The following PPP2R2B variants were observed in gnomAD, a reference collection of about 807,000 sequenced individuals.
PPP2R2B encodes the protein serine/threonine-protein phosphatase 2A 55 kDa regulatory subunit B beta isoform.
In PPP2R2B, 5 loss-of-function variants were observed where a neutral mutation model predicts 46.0. The ratio of observed to expected loss-of-function variants is 0.11; its 90% CI spans 0.06 to 0.23. The LOEUF (loss-of-function observed/expected upper bound fraction) is 0.23, where lower values mean the gene tolerates loss of function less well. PPP2R2B is among the 10% of genes least tolerant of loss of function. The pLI, the probability that PPP2R2B is intolerant of heterozygous loss-of-function variation, is 1.00. For missense variants in PPP2R2B, 367 were observed against 575.0 expected, an observed-to-expected ratio of 0.64 and a Z score of 3.70; for synonymous variants, 215 against 206.7, an observed-to-expected ratio of 1.04 and a Z score of -0.34.
At chr5:146,866,193 G>A (rs879845441) in intron 2 of PPP2R2B, among the ~76,000 whole-genome samples, 1 of 152,058 alleles carries the variant, frequency 6.6e-6, no homozygotes, top group Non-Finnish European at 1.5e-5. Context: ...CTAGAACATC[G>A]ACATAATTTT....
At chr5:146,603,194 C>T (rs1158412406) in intron 7 of PPP2R2B, among the ~76,000 whole-genome samples, 1 of 152,182 alleles carries the variant, frequency 6.6e-6, no homozygotes, top group Admixed American at 6.5e-5. Flanking sequence ...TTTCAGCATG[C>T]ACTGCTTCTG....
At chr5:146,733,799 A>G (rs1752373153) in intron 2 of PPP2R2B, among the ~76,000 whole-genome samples, 1 of 152,156 alleles carries the variant, frequency 6.6e-6, no homozygotes, top group African/African-American at 2.4e-5. Context: ...CCAGGACCCT[A>G]CTCAAGGTCT....
intron 2 of PPP2R2B, among the ~76,000 whole-genome samples, chr5:146,835,050 G>T (rs1361030229): frequency 2.6e-5 from 4 of 152,002 alleles, no homozygotes; most frequent in Non-Finnish European, 4.4e-5. Flanking sequence ...GATTGATTCT[G>T]GGTCTTTGCT....
intron 1 of PPP2R2B, among the ~76,000 whole-genome samples, chr5:147,031,651 C>T (rs1156803399): frequency 6.6e-6 from 1 of 152,120 alleles, no homozygotes; most frequent in Non-Finnish European, 1.5e-5. Flanking sequence ...TACTATGTCC[C>T]TTGTATCTTT....
chr5:146,780,477 G>A (rs1582087861), intron 2 of PPP2R2B, among the ~76,000 whole-genome samples: 1 of 152,230 alleles, frequency 6.6e-6, no homozygotes, highest in Non-Finnish European at 1.5e-5. Context: ...GACTTTAAAG[G>A]CTGACTGTCC....
chr5:146,684,868 C>T lies in PPP2R2B; in HGVS notation c.447+6260G>A, dbSNP rs182714342. Reference sequence around the variant, plus strand: ...GTCATTTCTTAGAGTCCAACTCAAACCTTCTAAACCAGCATCCCTAGTGAC... The same window carrying T: ...GTCATTTCTTAGAGTCCAACTCAAATCTTCTAAACCAGCATCCCTAGTGAC... On this transcript the variant is annotated intron_variant, in intron 5 of 9. Coordinates refer to ENST00000394411, the MANE Select transcript of PPP2R2B (RefSeq NM_181675.4). Among the ~76,000 whole-genome samples the T allele has an allele frequency of 2.0e-5, 3 of 152,260 alleles. No individual in the cohort carries two copies. In the East Asian group the frequency reaches 5.8e-4, roughly 29 times the overall value.
intron 2 of PPP2R2B, among the ~76,000 whole-genome samples, chr5:146,761,317 T>C (rs576840162): frequency 6.6e-6 from 1 of 152,294 alleles, no homozygotes; most frequent in South Asian, 2.1e-4. Context: ...ATATACACCA[T>C]GGAATACTAT....
At chr5:147,062,253 T>A (rs998659400) in intron 2 of PPP2R2B, among the ~76,000 whole-genome samples, 31 of 152,204 alleles carry the variant, frequency 2.0e-4, no homozygotes, top group African/African-American at 5.5e-4. Context: ...CATCTAGGTT[T>A]GTGTAAGTGC....
chr5:146,841,144 T>C (rs1246929722), intron 2 of PPP2R2B, among the ~76,000 whole-genome samples: 3 of 152,122 alleles, frequency 2.0e-5, no homozygotes, highest in Non-Finnish European at 4.4e-5. Flanking sequence ...CTATTATTCC[T>C]GTGCATAAAG....
At chr5:146,638,454 G>A (rs1774968135) in intron 6 of PPP2R2B, 39 bp from the exon 7 acceptor site, 3 of 1,536,970 alleles carry the variant, frequency 2.0e-6, no homozygotes, top group Non-Finnish European at 2.7e-6. Context: ...AGGAGAAGGA[G>A]GCAGGAACTT....
intron 2 of PPP2R2B, among the ~76,000 whole-genome samples, chr5:146,743,384 G>A (rs1378331437): frequency 2.0e-5 from 3 of 152,102 alleles, no homozygotes; most frequent in Admixed American, 6.5e-5. Flanking sequence ...ACTATCATGC[G>A]AGGCTAAAGG....
chr5:147,055,774 A>AAATCTAAATAAG (rs1757060355), exon 1 of PPP2R2B: 3 of 1,577,944 alleles, frequency 1.9e-6, no homozygotes, highest in Non-Finnish European at 2.6e-6. Flanking sequence ...ATCTAAATAA[A>AAATCTAAATAAG]AAAACAGTCT....
At chr5:146,653,783 T>C (rs1776141596) in intron 5 of PPP2R2B, among the ~76,000 whole-genome samples, 1 of 152,100 alleles carries the variant, frequency 6.6e-6, no homozygotes, top group South Asian at 2.1e-4. Flanking sequence ...TACTACTTAA[T>C]GGGGAAGGGC....
chr5:146,614,319 T>A, intron 7 of PPP2R2B, among the ~76,000 whole-genome samples: 1 of 68,274 alleles, frequency 1.5e-5, no homozygotes, highest in Non-Finnish European at 2.4e-5. Context: ...TGAAACTGGA[T>A]CCCTTCCTTA....
At chr5:146,690,429 A>G (rs1429828678) in intron 5 of PPP2R2B, among the ~76,000 whole-genome samples, 2 of 152,148 alleles carry the variant, frequency 1.3e-5, no homozygotes, top group Non-Finnish European at 2.9e-5. Context: ...CACTTTCTCA[A>G]TGCATTTATC....
At chr5:147,079,758 T>C (rs898256714) in intron 2 of PPP2R2B, among the ~76,000 whole-genome samples, 13 of 152,164 alleles carry the variant, frequency 8.5e-5, no homozygotes, top group African/African-American at 2.4e-4. Context: ...GAATAAGTTT[T>C]GTTCTATAGC....
chr5:146,903,855 T>A (rs926193284), intron 1 of PPP2R2B, among the ~76,000 whole-genome samples: 1 of 152,192 alleles, frequency 6.6e-6, no homozygotes, highest in African/African-American at 2.4e-5. Flanking sequence ...GGATAATAAT[T>A]ATTGACCTTA....
chr5:146,684,688 G>A (rs1432939712), intron 5 of PPP2R2B, among the ~76,000 whole-genome samples: 1 of 152,090 alleles, frequency 6.6e-6, no homozygotes, highest in Admixed American at 6.5e-5. Context: ...TCCTAATCCC[G>A]TCTCCTCCCT....
At chr5:147,031,007 C>T (rs10059153) in intron 1 of PPP2R2B, among the ~76,000 whole-genome samples, 4 of 152,084 alleles carry the variant, frequency 2.6e-5, no homozygotes, top group South Asian at 2.1e-4. Context: ...GAGGCCAAGG[C>T]GGGCGGATCA....
Sources: gnomAD v4.1 joint callset for allele counts (sites outside exome capture counted in the v4.1 genomes callset) on GRCh38, gnomAD v4.1.1 for gene constraint, MANE v1.5 for transcripts, NCBI Gene and HGNC (gene_info 2026-07-23, HGNC 2026-07-21) for gene names.